The following TNR variants were observed in gnomAD, a reference collection of about 807,000 sequenced individuals.
TNR encodes tenascin R.
A neutral mutation model predicts 150.4 loss-of-function variants in TNR; 45 were observed. The ratio of observed to expected loss-of-function variants is 0.30; its 90% CI spans 0.24 to 0.38. The LOEUF is 0.38. Ranked by LOEUF, TNR falls within the 10% of genes least tolerant of loss-of-function variation. The pLI, the probability that TNR is intolerant of heterozygous loss-of-function variation, is 1.00. For missense variants in TNR, 1,544 were observed against 1,759.1 expected (o/e 0.88, Z 2.19); for synonymous variants, 687 against 678.4 (o/e 1.01, Z -0.20).
intron 1 of TNR, among the ~76,000 whole-genome samples, chr1:175,591,709 G>A (rs989502810): frequency 1.3e-5 from 2 of 152,242 alleles, no homozygotes; most frequent in African/African-American, 4.8e-5. Flanking sequence ...CATCTGTGAA[G>A]CTAGGTGGCC....
intron 2 of TNR, among the ~76,000 whole-genome samples, chr1:175,500,892 T>C (rs923862752): frequency 4.6e-5 from 7 of 152,114 alleles, no homozygotes; most frequent in Non-Finnish European, 8.8e-5. Context: ...CCAGTCCTAA[T>C]GGGCAAGGAA....
chr1:175,458,468 C>T (rs566108343), intron 2 of TNR, among the ~76,000 whole-genome samples: 192 of 152,280 alleles, frequency 1.3e-3, no homozygotes, highest in African/African-American at 4.1e-3. Flanking sequence ...TAATAATTAA[C>T]GCAATATATG....
At chr1:175,590,966 C>T (rs997084570) in intron 1 of TNR, among the ~76,000 whole-genome samples, 1 of 152,142 alleles carries the variant, frequency 6.6e-6, no homozygotes, top group Non-Finnish European at 1.5e-5. Context: ...AACAATAAAA[C>T]CAGGTAACAA....
intron 2 of TNR, among the ~76,000 whole-genome samples, chr1:175,458,913 TACC>T (rs1253063486): frequency 1.3e-5 from 2 of 150,728 alleles, no homozygotes; most frequent in Admixed American, 6.6e-5. Context: ...TCATCGCTTC[TACC>T]ACCACCACCA....
At chr1:175,427,889 G>GCTTCCTTCCTTCCTTCCTTCCTTCCTTC (rs71129510) in intron 2 of TNR, among the ~76,000 whole-genome samples, 31 of 111,542 alleles carry the variant, frequency 2.8e-4, no homozygotes, top group African/African-American at 9.3e-4. Context: ...TCCCTTCTTC[G>GCTTCCTTCCTTCCTTCCTTCCTTCCTTC]CTTCCTTCCT....
chr1:175,382,833 G>A (rs866995303), intron 8 of TNR, among the ~76,000 whole-genome samples: 8 of 151,818 alleles, frequency 5.3e-5, no homozygotes, highest in Non-Finnish European at 7.4e-5. Flanking sequence ...CCTGGGAGGC[G>A]GAGGTTGCAG....
intron 1 of TNR, among the ~76,000 whole-genome samples, chr1:175,699,432 T>C (rs1666622111): frequency 6.6e-6 from 1 of 152,170 alleles, no homozygotes; most frequent in African/African-American, 2.4e-5. Flanking sequence ...TTCAGTTGCA[T>C]TCGTGTCAGT....
At chr1:175,464,374 C>T (rs576852042) in intron 2 of TNR, among the ~76,000 whole-genome samples, 9 of 152,162 alleles carry the variant, frequency 5.9e-5, no homozygotes, top group African/African-American at 2.2e-4. Context: ...AGCAAGAAGC[C>T]CATTAATAAA....
At chr1:175,430,928 T>C (rs1655234955) in intron 2 of TNR, among the ~76,000 whole-genome samples, 1 of 152,206 alleles carries the variant, frequency 6.6e-6, no homozygotes, top group African/African-American at 2.4e-5. Flanking sequence ...AAAATTTTGT[T>C]TTAACTATTT....
chr1:175,659,870 AC>A (rs1665308246), intron 1 of TNR, among the ~76,000 whole-genome samples: 1 of 142,784 alleles, frequency 7.0e-6, no homozygotes, highest in Non-Finnish European at 1.5e-5. Flanking sequence ...AATAACCTGG[AC>A]TTTTACATGA....
chr1:175,498,004 A>G (rs990184161), intron 2 of TNR, among the ~76,000 whole-genome samples: 12 of 152,114 alleles, frequency 7.9e-5, no homozygotes, highest in African/African-American at 2.9e-4. Context: ...AAGTTGCAGT[A>G]AGCCGAGATC....
chr1:175,617,868 T>C (rs1663832875), intron 1 of TNR, among the ~76,000 whole-genome samples: 1 of 152,206 alleles, frequency 6.6e-6, no homozygotes. Flanking sequence ...CAAAGTAGTT[T>C]TCATTTTACC....
intron 2 of TNR, among the ~76,000 whole-genome samples, chr1:175,459,832 A>G (rs1233578375): frequency 1.3e-5 from 2 of 151,702 alleles, no homozygotes; most frequent in Non-Finnish European, 2.9e-5. Context: ...GAAAGATTCT[A>G]TAAATGGTTT....
chr1:175,633,109 G>C (rs939105250), intron 1 of TNR, among the ~76,000 whole-genome samples: 2 of 152,102 alleles, frequency 1.3e-5, no homozygotes, highest in African/African-American at 4.8e-5. Context: ...TCAAGACCTG[G>C]CTCAACTCCC....
chr1:175,325,416 G>T (rs567135203), intron 21 of TNR, among the ~76,000 whole-genome samples: 1 of 152,316 alleles, frequency 6.6e-6, no homozygotes, highest in African/African-American at 2.4e-5. Flanking sequence ...TTATACTGTT[G>T]GTGGGACTAA....
chr1:175,738,480 G>C (rs1473129387), intron 1 of TNR, among the ~76,000 whole-genome samples: 1 of 152,198 alleles, frequency 6.6e-6, no homozygotes, highest in Non-Finnish European at 1.5e-5. Context: ...CAGGTTCATA[G>C]AGACAGGAAG....
intron 21 of TNR, among the ~76,000 whole-genome samples, chr1:175,329,527 G>A (rs961405330): frequency 4.6e-5 from 7 of 152,194 alleles, no homozygotes; most frequent in African/African-American, 1.4e-4. Context: ...GGCATTGTTT[G>A]CTCCTTGACT....
chr1:175,327,048 C>T (rs1298722408), intron 21 of TNR, among the ~76,000 whole-genome samples: 2 of 151,982 alleles, frequency 1.3e-5, no homozygotes, highest in Non-Finnish European at 2.9e-5. Context: ...TTAGATTAAT[C>T]CTACTCCTTA....
At chr1:175,730,355 C>T (rs1667606104) in intron 1 of TNR, among the ~76,000 whole-genome samples, 1 of 152,176 alleles carries the variant, frequency 6.6e-6, no homozygotes, top group Non-Finnish European at 1.5e-5. Flanking sequence ...CCCTTGACTC[C>T]ACTCCTACCT....
Sources: gnomAD v4.1 joint callset for allele counts (sites outside exome capture counted in the v4.1 genomes callset) on GRCh38, gnomAD v4.1.1 for gene constraint, MANE v1.5 for transcripts, NCBI Gene and HGNC (gene_info 2026-07-23, HGNC 2026-07-21) for gene names.